Variants in ZCCHC7 observed in about 807,000 individuals in gnomAD.
ZCCHC7 encodes zinc finger CCHC domain-containing protein 7.
A neutral mutation model predicts 52.0 loss-of-function variants in ZCCHC7; 35 were observed. The observed-to-expected ratio is 0.67, with a 90% confidence interval of 0.51 to 0.89. The LOEUF (loss-of-function observed/expected upper bound fraction) is 0.89, where lower values mean the gene tolerates loss of function less well. ZCCHC7 is among the 40% of genes least tolerant of loss of function. The pLI is 0.00. For missense variants in ZCCHC7, 574 were observed against 649.1 expected (o/e 0.88, Z 1.26); for synonymous variants, 217 against 221.5 (o/e 0.98, Z 0.18).
chr9:37,281,399 G>A (rs570639862), intron 2 of ZCCHC7, among the ~76,000 whole-genome samples: 2 of 152,306 alleles, frequency 1.3e-5, no homozygotes, highest in South Asian at 2.1e-4. Context: ...TCAGTTTTGT[G>A]TGTGTTTTCC....
At chr9:37,245,801 A>G (rs756817106) in intron 2 of ZCCHC7, among the ~76,000 whole-genome samples, 6 of 152,066 alleles carry the variant, frequency 3.9e-5, no homozygotes, top group Non-Finnish European at 8.8e-5. Context: ...GGCCTGGAAG[A>G]GAGAGAGTGT....
chr9:37,345,125 A>T (rs1820880137), intron 6 of ZCCHC7, among the ~76,000 whole-genome samples: 1 of 152,130 alleles, frequency 6.6e-6, no homozygotes, highest in East Asian at 1.9e-4. Context: ...CTTGCCAACA[A>T]CTTCCTATTT....
intron 2 of ZCCHC7, among the ~76,000 whole-genome samples, chr9:37,282,460 C>G (rs556311641): frequency 1.6e-4 from 24 of 151,958 alleles, no homozygotes; most frequent in South Asian, 8.3e-4. Context: ...CAAAAATTAG[C>G]CAGGCGTGGT....
At chr9:37,181,903 T>C (rs1012051488) in intron 2 of ZCCHC7, among the ~76,000 whole-genome samples, 1 of 152,212 alleles carries the variant, frequency 6.6e-6, no homozygotes, top group Non-Finnish European at 1.5e-5. Context: ...CAGGCTGGTC[T>C]TAAACTTCTG....
rs73448470 is a variant in ZCCHC7, at chr9:37,214,536, G to A, written c.610+87594G>A. Among the ~76,000 whole-genome samples the A allele has an allele frequency of 4.3e-3, 657 of 152,008 alleles. 3 individuals carry two copies. The highest frequency in any genetic ancestry group is 0.015 in the African/African-American group (628 of 41,496). The stretch of plus-strand genomic sequence containing the variant: ...ATGATTTTTGAGCTATGTTTCTGTC[G>A]TGTTGTTTCTCATCACTATATGGAT... On this transcript the variant is annotated intron_variant, in intron 2 of 8. Transcript: ENST00000336755.
At chr9:37,285,883 T>C (rs1205971832) in intron 2 of ZCCHC7, among the ~76,000 whole-genome samples, 1 of 152,222 alleles carries the variant, frequency 6.6e-6, no homozygotes, top group African/African-American at 2.4e-5. Context: ...CCTTACATCC[T>C]GGTGTAATTA....
At chr9:37,328,055 CATTTAATG>C (rs1346391247) in intron 6 of ZCCHC7, among the ~76,000 whole-genome samples, 2 of 152,112 alleles carry the variant, frequency 1.3e-5, no homozygotes, top group East Asian at 3.9e-4. Flanking sequence ...TTACTCACAT[CATTTAATG>C]ATTACATCAT....
intron 2 of ZCCHC7, among the ~76,000 whole-genome samples, chr9:37,129,574 G>A (rs1161479060): frequency 6.6e-6 from 1 of 152,116 alleles, no homozygotes; most frequent in Non-Finnish European, 1.5e-5. Context: ...TTAGAGAGAA[G>A]ATTTTTCTCA....
intron 2 of ZCCHC7, among the ~76,000 whole-genome samples, chr9:37,275,155 C>T (rs1827620883): frequency 6.6e-6 from 1 of 152,152 alleles, no homozygotes; most frequent in African/African-American, 2.4e-5. Flanking sequence ...CAAGATATTA[C>T]CAGCATAGTG....
intron 2 of ZCCHC7, among the ~76,000 whole-genome samples, chr9:37,177,820 A>T (rs554635050): frequency 6.6e-6 from 1 of 152,304 alleles, no homozygotes; most frequent in South Asian, 2.1e-4. Flanking sequence ...AGAATACCTA[A>T]CCCAGTATTC....
At chr9:37,124,123 A>G (rs1233445230) in intron 1 of ZCCHC7, among the ~76,000 whole-genome samples, 1 of 152,200 alleles carries the variant, frequency 6.6e-6, no homozygotes, top group Non-Finnish European at 1.5e-5. Flanking sequence ...GGACACTAAG[A>G]AAACAACTAT....
chr9:37,278,171 C>A (rs1304991249), intron 2 of ZCCHC7, among the ~76,000 whole-genome samples: 1 of 151,920 alleles, frequency 6.6e-6, no homozygotes. Context: ...GTGGTCCTTT[C>A]ACTTCAGCCT....
intron 2 of ZCCHC7, among the ~76,000 whole-genome samples, chr9:37,207,929 T>C (rs2133198765): frequency 6.6e-6 from 1 of 152,372 alleles, no homozygotes; most frequent in South Asian, 2.1e-4. Context: ...TATCACTTTT[T>C]ATGACCGAGG....
At chr9:37,291,602 AT>A (rs542846969) in intron 2 of ZCCHC7, among the ~76,000 whole-genome samples, 2 of 152,194 alleles carry the variant, frequency 1.3e-5, no homozygotes, top group South Asian at 4.2e-4. Flanking sequence ...GAAATGAAAA[AT>A]TTTTTTTCAA....
At chr9:37,205,859 T>C (rs1201176965) in intron 2 of ZCCHC7, among the ~76,000 whole-genome samples, 1 of 152,106 alleles carries the variant, frequency 6.6e-6, no homozygotes, top group Non-Finnish European at 1.5e-5. Flanking sequence ...AAATCATGCA[T>C]TTGTACAATT....
At chr9:37,129,454 C>T (rs773753838) in intron 2 of ZCCHC7, among the ~76,000 whole-genome samples, 3 of 152,082 alleles carry the variant, frequency 2.0e-5, no homozygotes, top group African/African-American at 4.8e-5. Flanking sequence ...ATCCTATTTC[C>T]AATTAATAAA....
intron 6 of ZCCHC7, among the ~76,000 whole-genome samples, chr9:37,329,375 G>A (rs918891044): frequency 2.6e-5 from 4 of 151,490 alleles, no homozygotes; most frequent in African/African-American, 9.7e-5. Context: ...ATTTTAAAAA[G>A]AATCATTAGG....
intron 2 of ZCCHC7, among the ~76,000 whole-genome samples, chr9:37,172,966 G>C (rs1248510108): frequency 6.6e-6 from 1 of 151,506 alleles, no homozygotes; most frequent in Non-Finnish European, 1.5e-5. Flanking sequence ...AGCAACGTGG[G>C]CATTCCAATT....
intron 5 of ZCCHC7, among the ~76,000 whole-genome samples, chr9:37,311,334 A>G (rs1373594087): frequency 6.6e-6 from 1 of 152,210 alleles, no homozygotes; most frequent in African/African-American, 2.4e-5. Context: ...AGTCCATGCT[A>G]AATAACTGTT....
Sources: allele counts gnomAD v4.1 joint callset (sites outside exome capture counted in the v4.1 genomes callset), GRCh38; gene constraint gnomAD v4.1.1; transcripts MANE v1.5; gene names NCBI Gene and HGNC (gene_info 2026-07-23, HGNC 2026-07-21).